Variants in PCDH15 observed in about 807,000 individuals in gnomAD.
PCDH15 encodes protocadherin-15.
PCDH15 carries 129 observed loss-of-function variants against 178.5 expected under a neutral mutation model. That is an observed-to-expected ratio of 0.72 (90% CI 0.63 to 0.84). The LOEUF (loss-of-function observed/expected upper bound fraction) is 0.84. Among genes scored for constraint, PCDH15 ranks in the 40% least tolerant of loss-of-function variants. PCDH15 has a pLI of 0.00. For synonymous variants in PCDH15, 800 were observed against 732.0 expected (o/e 1.09, Z -1.50); for missense variants, 2,230 against 2,099.9 (o/e 1.06, Z -1.21).
At chr10:55,086,297 G>T (rs1344090000) in intron 2 of PCDH15, among the ~76,000 whole-genome samples, 2 of 151,600 alleles carry the variant, frequency 1.3e-5, no homozygotes, top group Admixed American at 6.6e-5. Context: ...TTTTCTATTG[G>T]TACAACATAT....
At chr10:55,010,627 T>C (rs1053443331) in intron 2 of PCDH15, among the ~76,000 whole-genome samples, 1 of 152,000 alleles carries the variant, frequency 6.6e-6, no homozygotes, top group African/African-American at 2.4e-5. Context: ...ACAATCATGG[T>C]ACAAATAAAA....
At chr10:54,241,360 G>A (rs2384422) in intron 8 of PCDH15, among the ~76,000 whole-genome samples, 90,813 of 151,652 alleles carry the variant, frequency 0.6, 29,061 homozygotes, top group Middle Eastern at 0.72. Flanking sequence ...AATATGCTTG[G>A]GTATCCTTTA....
At chr10:54,816,073 T>C (rs1202349966) in intron 3 of PCDH15, among the ~76,000 whole-genome samples, 1 of 152,120 alleles carries the variant, frequency 6.6e-6, no homozygotes, top group East Asian at 1.9e-4. Flanking sequence ...CTAACCCCTG[T>C]GTTGTTAAGA....
intron 31 of PCDH15, 136 bp downstream of exon 31, chr10:53,828,420 TATATCAAAC>T: frequency 1.4e-6 from 1 of 698,682 alleles, no homozygotes; most frequent in East Asian, 2.8e-5. Flanking sequence ...CAATTCTATA[TATATCAAAC>T]CAAGAAATAA....
chr10:54,202,611 G>A (rs543149153), intron 10 of PCDH15, among the ~76,000 whole-genome samples: 25 of 152,016 alleles, frequency 1.6e-4, no homozygotes, highest in African/African-American at 5.5e-4. Flanking sequence ...TCGGGAGTTC[G>A]AGACCAGCCT....
At chr10:54,300,082 G>A (rs547658196) in intron 8 of PCDH15, among the ~76,000 whole-genome samples, 77 of 152,290 alleles carry the variant, frequency 5.1e-4, no homozygotes, top group African/African-American at 1.7e-3. Flanking sequence ...TGGCAGCAGA[G>A]ACTCTCCTAA....
intron 2 of PCDH15, among the ~76,000 whole-genome samples, chr10:55,457,327 T>G (rs376652059): frequency 6.6e-5 from 10 of 152,142 alleles, no homozygotes; most frequent in African/African-American, 2.4e-4. Context: ...GTACTCATTT[T>G]GCATTAATAT....
At chr10:53,998,779 C>T (rs978412515) in intron 20 of PCDH15, among the ~76,000 whole-genome samples, 4 of 151,974 alleles carry the variant, frequency 2.6e-5, no homozygotes, top group African/African-American at 9.6e-5. Context: ...AGGCTGGGCA[C>T]GGTGGCTCGC....
intron 1 of PCDH15, among the ~76,000 whole-genome samples, chr10:54,735,240 T>C (rs1943947648): frequency 6.6e-6 from 1 of 152,092 alleles, no homozygotes; most frequent in African/African-American, 2.4e-5. Flanking sequence ...ACCAATTTGG[T>C]TAATTCTACT....
chr10:53,811,411 A>G (rs569410248), intron 36 of PCDH15, 138 bp downstream of exon 36: 1 of 476,452 alleles, frequency 2.1e-6, no homozygotes, highest in South Asian at 4.7e-5. Context: ...AGCTAGATAT[A>G]CTATTCATTT....
intron 2 of PCDH15, among the ~76,000 whole-genome samples, chr10:54,949,123 C>G (rs1838267528): frequency 6.6e-6 from 1 of 151,780 alleles, no homozygotes; most frequent in African/African-American, 2.4e-5. Flanking sequence ...ATCTAAAATG[C>G]ATAAATTTTC....
intron 3 of PCDH15, among the ~76,000 whole-genome samples, chr10:54,880,883 T>C (rs1197119994): frequency 6.6e-6 from 1 of 151,574 alleles, no homozygotes; most frequent in Non-Finnish European, 1.5e-5. Flanking sequence ...TAACATTTGA[T>C]TGACTTCCTG....
At chr10:53,828,719 C>G (rs12412822) in intron 30 of PCDH15, 146 bp from the exon 31 acceptor site, 1 of 690,564 alleles carries the variant, frequency 1.4e-6, no homozygotes, top group Non-Finnish European at 2.5e-6. Flanking sequence ...ACTAAGAAAA[C>G]TAAGGATATC....
At chr10:54,522,472 G>C (rs2082979093) in intron 3 of PCDH15, among the ~76,000 whole-genome samples, 2 of 152,104 alleles carry the variant, frequency 1.3e-5, no homozygotes, top group Non-Finnish European at 2.9e-5. Flanking sequence ...TGAATGCATG[G>C]CTCACATCTT....
Position 55,221,530 on chromosome 10 carries a change from C to T in PCDH15, c.-155-54879G>A, listed in dbSNP as rs58829446. Among the ~76,000 whole-genome samples, 566 of 152,130 alleles carry T rather than the reference C, an allele frequency of 3.7e-3. 4 individuals carry two copies. The highest frequency in any genetic ancestry group is 0.013 in the African/African-American group (549 of 41,446). Reference sequence around the variant, plus strand: ...AAATAGAATCGTGTCGCTACCTGTTCATGTTTGTCCCAGTAAATTTATTGT... The same window carrying T: ...AAATAGAATCGTGTCGCTACCTGTTTATGTTTGTCCCAGTAAATTTATTGT... On this transcript the variant is annotated intron_variant, in intron 1 of 5. Transcript: ENST00000458638.
At chr10:55,624,041 G>T (rs2463944) in intron 2 of PCDH15, among the ~76,000 whole-genome samples, 39,752 of 151,906 alleles carry the variant, frequency 0.26, 6,114 homozygotes, top group Non-Finnish European at 0.35. Context: ...CATAGAAATT[G>T]ATTGTGTTTG....
intron 29 of PCDH15, among the ~76,000 whole-genome samples, chr10:53,832,126 A>G (rs2132645607): frequency 6.6e-6 from 1 of 151,478 alleles, no homozygotes; most frequent in South Asian, 2.1e-4. Context: ...AATGGTGAAG[A>G]CATTTAAAAG....
intron 1 of PCDH15, among the ~76,000 whole-genome samples, chr10:55,232,851 T>C (rs980418607): frequency 6.6e-6 from 1 of 152,088 alleles, no homozygotes; most frequent in Non-Finnish European, 1.5e-5. Flanking sequence ...GCCTAGTCTG[T>C]CCCAGGTAAG....
intron 1 of PCDH15, among the ~76,000 whole-genome samples, chr10:54,766,286 T>A (rs1057245401): frequency 6.6e-6 from 1 of 152,026 alleles, no homozygotes; most frequent in Non-Finnish European, 1.5e-5. Flanking sequence ...GATAAATTAG[T>A]GAAATAAAGT....
Sources: gnomAD v4.1 joint callset for allele counts (sites outside exome capture counted in the v4.1 genomes callset) on GRCh38, gnomAD v4.1.1 for gene constraint, MANE v1.5 for transcripts, NCBI Gene and HGNC (gene_info 2026-07-23, HGNC 2026-07-21) for gene names.